Variants in FOXP1 observed in about 807,000 individuals in gnomAD.
FOXP1 encodes the protein forkhead box P1.
FOXP1 carries 15 observed loss-of-function variants against 98.2 expected under a neutral mutation model. That is an observed-to-expected ratio of 0.15 (90% CI 0.10 to 0.24). FOXP1 has a LOEUF of 0.24. FOXP1 is among the 10% of genes least tolerant of loss of function. FOXP1 has a pLI of 1.00. For synonymous variants in FOXP1, 371 were observed against 314.5 expected (o/e 1.18, Z -1.90); for missense variants, 633 against 848.5 (o/e 0.75, Z 3.15).
At chr3:71,119,798 TAAAAAA>T (rs893394754) in intron 6 of FOXP1, among the ~76,000 whole-genome samples, 43 of 151,742 alleles carry the variant, frequency 2.8e-4, no homozygotes, top group African/African-American at 9.4e-4. Flanking sequence ...GTGACTGACT[TAAAAAA>T]AAGAAAAAGA....
chr3:71,482,411 C>T (rs1577756451), intron 3 of FOXP1, among the ~76,000 whole-genome samples: 2 of 147,340 alleles, frequency 1.4e-5, no homozygotes, highest in African/African-American at 5.1e-5. Context: ...CTCAGTCGCC[C>T]AGGCTGGAGT....
intron 3 of FOXP1, among the ~76,000 whole-genome samples, chr3:71,421,238 CA>C (rs2083619024): frequency 6.6e-6 from 1 of 152,216 alleles, no homozygotes; most frequent in African/African-American, 2.4e-5. Flanking sequence ...AAAGAAACTA[CA>C]GGGGAAAGTG....
chr3:71,276,795 A>G (rs921233765), intron 5 of FOXP1, among the ~76,000 whole-genome samples: 1 of 152,024 alleles, frequency 6.6e-6, no homozygotes, highest in Non-Finnish European at 1.5e-5. Flanking sequence ...GAGACTAATT[A>G]TGTATTGCTG....
chr3:71,183,391 C>CA (rs1452928191), intron 6 of FOXP1, among the ~76,000 whole-genome samples: 1 of 152,102 alleles, frequency 6.6e-6, no homozygotes, highest in Non-Finnish European at 1.5e-5. Context: ...CCCAGCTACT[C>CA]AGGAGGCTGA....
intron 4 of FOXP1, among the ~76,000 whole-genome samples, chr3:71,330,728 G>A (rs575206986): frequency 3.3e-5 from 5 of 152,210 alleles, no homozygotes; most frequent in African/African-American, 1.2e-4. Context: ...ATAAGGTTAT[G>A]TGGCAACATT....
intron 2 of FOXP1, chr3:71,542,215 C>A (rs1265945214): frequency 5.4e-6 from 2 of 370,020 alleles, no homozygotes; most frequent in Non-Finnish European, 1.1e-5. Flanking sequence ...TTTACAATAC[C>A]TGCAGGAATA....
At position 71,383,888 on chromosome 3, in the gene FOXP1, T is replaced by C. The variant is rs571762642; in HGVS notation, c.-167-24644A>G. 1.3e-4 allele frequency among the ~76,000 whole-genome samples: 20 copies of C among 152,250 alleles called. No homozygotes were observed. The South Asian group carries it at 3.7e-3, about 28-fold the overall frequency. On this transcript the variant is annotated intron_variant, in intron 3 of 20. Transcript: ENST00000649528. The stretch of plus-strand genomic sequence containing the variant: ...CAGGCAATTTGGAGGTCATGATGTA[T>C]AGAGAAAGCTCTTCAGAGACAACTA...
At chr3:71,107,244 C>T (rs1479386407) in intron 7 of FOXP1, among the ~76,000 whole-genome samples, 2 of 152,102 alleles carry the variant, frequency 1.3e-5, no homozygotes, top group Non-Finnish European at 2.9e-5. Flanking sequence ...AAGGACAAAA[C>T]AGACTATCAA....
chr3:71,404,215 C>A (rs2108230355), intron 3 of FOXP1, among the ~76,000 whole-genome samples: 1 of 149,644 alleles, frequency 6.7e-6, no homozygotes, highest in East Asian at 2.0e-4. Context: ...GCAACCTCCG[C>A]CTCCCAGGTT....
At chr3:71,000,310 T>C (rs1373704590) in intron 13 of FOXP1, among the ~76,000 whole-genome samples, 2 of 151,824 alleles carry the variant, frequency 1.3e-5, no homozygotes, top group Non-Finnish European at 2.9e-5. Flanking sequence ...TTTATATATA[T>C]ATATATATAT....
chr3:71,425,756 G>T (rs2084102850), intron 3 of FOXP1, among the ~76,000 whole-genome samples: 1 of 151,310 alleles, frequency 6.6e-6, no homozygotes, highest in South Asian at 2.1e-4. Context: ...AAAAAGAACT[G>T]AAAAAGACAT....
At chr3:71,016,688 C>CAT (rs2044545504) in intron 11 of FOXP1, among the ~76,000 whole-genome samples, 1 of 149,046 alleles carries the variant, frequency 6.7e-6, no homozygotes, top group South Asian at 2.1e-4. Flanking sequence ...CACACACACA[C>CAT]ACATGCATAC....
At chr3:71,064,960 A>C (rs2052212057) in intron 7 of FOXP1, 1 of 188,486 alleles carries the variant, frequency 5.3e-6, no homozygotes, top group Admixed American at 6.8e-5. Flanking sequence ...CGGGCTGACA[A>C]GACGCGCCGC....
Position 70,957,734 on chromosome 3 carries a change from A to G in FOXP1, c.*1513T>C. The G allele has an allele frequency of 4.3e-6, 1 of 233,524 alleles. No individual in the cohort carries two copies. The highest frequency in any genetic ancestry group is 8.5e-6 in the Non-Finnish European group (1 of 117,986). 14.5% of individuals were successfully genotyped at this position (233,524 alleles called of 1,614,324 possible). A position where few individuals can be genotyped will look rare whatever the true frequency, so the allele number is the denominator to read the frequency against. ...CCCCAAAGCCCAGGGCCTACATGAT[A>G]TCTTCTATGAGTTTTTGTGATACTG... On this transcript the variant is annotated 3_prime_UTR_variant, in exon 21 of 21. Coordinates refer to ENST00000649528, the MANE Select transcript of FOXP1 (RefSeq NM_001349338.3).
At chr3:71,413,259 GACACAC>G (rs528319234) in intron 3 of FOXP1, among the ~76,000 whole-genome samples, 3,096 of 64,452 alleles carry the variant, frequency 0.048, 168 homozygotes, top group African/African-American at 0.16. Context: ...CCCCCAAATA[GACACAC>G]ACACACACAC....
chr3:70,993,342 A>G (rs1214575292), intron 13 of FOXP1, among the ~76,000 whole-genome samples: 1 of 152,172 alleles, frequency 6.6e-6, no homozygotes, highest in Admixed American at 6.5e-5. Context: ...TGGCCCCCAA[A>G]GCCGGGTTTT....
chr3:71,104,967 ATG>A (rs1378165585), intron 7 of FOXP1, among the ~76,000 whole-genome samples: 1 of 152,018 alleles, frequency 6.6e-6, no homozygotes, highest in East Asian at 1.9e-4. Flanking sequence ...GTAATCATAT[ATG>A]TGAGGCCCCC....
intron 20 of FOXP1, among the ~76,000 whole-genome samples, chr3:70,963,623 T>G (rs146707745): frequency 6.6e-6 from 1 of 152,298 alleles, no homozygotes; most frequent in African/African-American, 2.4e-5. Context: ...CCCTTCTCCT[T>G]ACATCTGAGT....
chr3:70,977,752 T>A, intron 15 of FOXP1, 30 bp from the exon 16 acceptor site: 1 of 1,612,768 alleles, frequency 6.2e-7, no homozygotes, highest in Non-Finnish European at 8.5e-7. Context: ...CTATTAATTA[T>A]CACTTTTTCA....
Sources: gnomAD v4.1 joint callset for allele counts (sites outside exome capture counted in the v4.1 genomes callset) on GRCh38, gnomAD v4.1.1 for gene constraint, MANE v1.5 for transcripts, NCBI Gene and HGNC (gene_info 2026-07-23, HGNC 2026-07-21) for gene names.